HMOX1: variants seen among roughly 807,000 people sequenced by gnomAD.
HMOX1 encodes the protein heat shock protein, 32-kD.
HMOX1 carries 22 observed loss-of-function variants against 27.8 expected under a neutral mutation model. That is an observed-to-expected ratio of 0.79 (90% CI 0.57 to 1.13). The LOEUF (loss-of-function observed/expected upper bound fraction) is 1.13. Ranked by LOEUF, HMOX1 falls within the 50% of genes most tolerant of loss-of-function variation. The pLI is 0.00. For missense variants in HMOX1, 379 were observed against 377.7 expected (o/e 1.00, Z -0.03); for synonymous variants, 153 against 151.6 (o/e 1.01, Z -0.07).
At chr22:35,390,380 T>C (rs1390726989) in intron 4 of HMOX1, 3 of 288,640 alleles carry the variant, frequency 1.0e-5, no homozygotes, top group Non-Finnish European at 2.0e-5. Flanking sequence ...CCCACCACCA[T>C]GCCTGGCTAA....
At chr22:35,383,019 G>A (rs897328245) in intron 1 of HMOX1, 87 bp from the exon 2 acceptor site, 37 of 1,573,086 alleles carry the variant, frequency 2.4e-5, no homozygotes, top group Non-Finnish European at 3.0e-5. Flanking sequence ...GTCTCTTGAA[G>A]GCCTGCCCAC....
rs1931419587 is a variant in HMOX1, at chr22:35,383,086, C to T, written c.24-20C>T. ...CACCCCCAGCCAGCTTTGTGTTCACCTTTCCCATTTCCTCCTCAGCATGCC... is the reference window on the plus strand; with the variant it reads ...CACCCCCAGCCAGCTTTGTGTTCACTTTTCCCATTTCCTCCTCAGCATGCC... On this transcript the variant is annotated intron_variant, in intron 1 of 4. Transcript: ENST00000216117. 6.2e-7 allele frequency: 1 copy of T among 1,612,690 alleles called. No homozygotes were observed. The highest frequency in any genetic ancestry group is 8.5e-7 in the Non-Finnish European group (1 of 1,179,122).
chr22:35,381,245 C>T, intron 1 of HMOX1, 49 bp downstream of exon 1: 1 of 1,539,910 alleles, frequency 6.5e-7, no homozygotes, highest in Non-Finnish European at 8.7e-7. Flanking sequence ...TCTCCCAACC[C>T]TGCTTGCGTC....
chr22:35,381,194 C>G lies in HMOX1; in HGVS notation c.21C>G (p.Asp7Glu), dbSNP rs1483623337. ...GCCGGATGGAGCGTCCGCAACCCGA[C>G]AGGCAAGCGCGGGGCGCGGGACGCG... is the stretch of plus-strand genomic sequence containing the variant. MERPQP[D>E]SMPQDLSEAL... Residue 7 changes from aspartate (D) to glutamate (E), a missense_variant and splice_region_variant, in exon 1 of 5, where the codon GAC (aspartate) becomes GAG (glutamate). By Grantham distance (45) the Asp-to-Glu change is conservative. Coordinates refer to ENST00000216117, the MANE Select transcript of HMOX1 (RefSeq NM_002133.3). 1 of 1,547,516 alleles carries G rather than the reference C, an allele frequency of 6.5e-7. No individual in the cohort carries two copies. Among genetic ancestry groups the G allele is most frequent in the Admixed American group, 1.9e-5 (1 of 51,930 alleles).
At chr22:35,382,325 GTTTTTTGT>G (rs1014270120) in intron 1 of HMOX1, among the ~76,000 whole-genome samples, 3 of 150,622 alleles carry the variant, frequency 2.0e-5, no homozygotes, top group Middle Eastern at 3.2e-3. Context: ...TTTGTTTTTT[GTTTTTTGT>G]TTTTTTGTTT....
chr22:35,388,099 A>G (rs1931553100), intron 3 of HMOX1, among the ~76,000 whole-genome samples: 1 of 151,700 alleles, frequency 6.6e-6, no homozygotes, highest in South Asian at 2.1e-4. Flanking sequence ...CCCTGTCTCT[A>G]TCAAAAATAA....
At chr22:35,389,453 C>CTTTCTTTCTTTCTTTCTTTCT (rs769260270) in intron 3 of HMOX1, among the ~76,000 whole-genome samples, 2 of 123,220 alleles carry the variant, frequency 1.6e-5, no homozygotes, top group African/African-American at 3.4e-5. Context: ...TCTTTCTTTT[C>CTTTCTTTCTTTCTTTCTTTCT]TTTCTTTCTT....
At chr22:35,390,040 T>A (rs1204528002) in intron 4 of HMOX1, 77 bp downstream of exon 4, 1 of 969,172 alleles carries the variant, frequency 1.0e-6, no homozygotes, top group Non-Finnish European at 1.6e-6. Context: ...AGTATCTCTA[T>A]TCCTCTGTTT....
At chr22:35,385,214 T>C (rs9607267) in intron 2 of HMOX1, among the ~76,000 whole-genome samples, 42,279 of 151,892 alleles carry the variant, frequency 0.28, 6,360 homozygotes, top group East Asian at 0.46. Context: ...TGCCCTGTAG[T>C]TGGTTACGCA....
intron 4 of HMOX1, among the ~76,000 whole-genome samples, chr22:35,392,040 T>G (rs1931736944): frequency 6.6e-6 from 1 of 151,416 alleles, no homozygotes; most frequent in Admixed American, 6.6e-5. Flanking sequence ...ACCTGGCCAA[T>G]GTGGTGAGAC....
At position 35,389,872 on chromosome 22, in the gene HMOX1, G is replaced by A; in HGVS notation, c.645G>A (p.Glu215=). The A allele has an allele frequency of 6.2e-7, 1 of 1,607,808 alleles. No individual in the cohort carries two copies. Among genetic ancestry groups the A allele is most frequent in the Non-Finnish European group, 8.5e-7 (1 of 1,177,714 alleles). The change falls in exon 4 of 5, where the codon GAG becomes GAA. Residue 215 remains glutamate (E), a synonymous_variant. Coordinates refer to ENST00000216117, the MANE Select transcript of HMOX1 (RefSeq NM_002133.3). ...TAFLLNIQLF[E]ELQELLTHDT... is the part of the protein sequence containing the mutation. Reference sequence around the variant, plus strand: ...TGTCTTTTGTCTTTTAGCTCTTTGAGGAGTTGCAGGAGCTGCTGACCCATG... The same window carrying A: ...TGTCTTTTGTCTTTTAGCTCTTTGAAGAGTTGCAGGAGCTGCTGACCCATG...
intron 2 of HMOX1, 81 bp downstream of exon 2, chr22:35,383,307 T>C: frequency 1.3e-6 from 2 of 1,521,710 alleles, no homozygotes; most frequent in Non-Finnish European, 9.0e-7. Flanking sequence ...GTGGTTTAAG[T>C]GGGGATGCTG....
At position 35,389,982 on chromosome 22, in the gene HMOX1, G is replaced by T; in HGVS notation, c.736+19G>T. ...GTGCAAGGTGAGAGCATCCAGGAAG[G>T]GGCACTTCCTCTGGGCTACACATGG... On this transcript the variant is annotated intron_variant, in intron 4 of 4. Coordinates refer to ENST00000216117, the MANE Select transcript of HMOX1 (RefSeq NM_002133.3). The T allele has an allele frequency of 1.3e-6, 2 of 1,540,916 alleles. No homozygotes were observed. The highest frequency in any genetic ancestry group is 1.8e-6 in the Non-Finnish European group (2 of 1,119,078).
At chr22:35,381,312 G>A (rs1931384588) in intron 1 of HMOX1, 116 bp downstream of exon 1, 9 of 1,254,146 alleles carry the variant, frequency 7.2e-6, no homozygotes, top group African/African-American at 1.5e-5. Flanking sequence ...CCAGAAACTT[G>A]GGCTCTGGAG....
chr22:35,386,928 G>C lies in HMOX1; in HGVS notation c.388G>C (p.Val130Leu). The C allele has an allele frequency of 1.2e-6, 2 of 1,614,068 alleles. No individual in the cohort carries two copies. The highest frequency in any genetic ancestry group is 2.2e-5 in the South Asian group (2 of 91,088). The stretch of plus-strand genomic sequence containing the variant: ...GGGGCGCACAGAGCCCGAGCTGCTG[G>C]TGGCCCACGCCTACACCCGCTACCT... ...EVGRTEPELL[V>L]AHAYTRYLGD... The change falls in exon 3 of 5, where the codon GTG (valine) becomes CTG (leucine). Residue 130 changes from valine (V) to leucine (L), a missense_variant. By Grantham distance (32) the Val-to-Leu change is conservative (BLOSUM62 1). Transcript: ENST00000216117.
intron 2 of HMOX1, among the ~76,000 whole-genome samples, chr22:35,385,005 C>G (rs1374129544): frequency 6.6e-6 from 1 of 152,008 alleles, no homozygotes; most frequent in Admixed American, 6.6e-5. Context: ...AATAGAGCTG[C>G]TTTGAATGTT....
Position 35,389,395 on chromosome 22 carries a change from C to CCTTTCTTTCTTTCTTT in HMOX1, c.637-450_637-435dup, listed in dbSNP as rs372672366. On this transcript the variant is annotated intron_variant, in intron 3 of 4. Transcript: ENST00000216117. Reference sequence around the variant, plus strand: ...TCCTTCCTTCCTTCCTTCCTTCCTTCCTTTCTTTCTTTCTTTCTTTCTTTC... The same window carrying CCTTTCTTTCTTTCTTT: ...TCCTTCCTTCCTTCCTTCCTTCCTTCCTTTCTTTCTTTCTTTCTTTCTTTCTTTCTTTCTTTCTTTC... 3.3e-3 allele frequency among the ~76,000 whole-genome samples: 172 copies of CCTTTCTTTCTTTCTTT among 51,786 alleles called. 3 individuals are homozygous for CCTTTCTTTCTTTCTTT. The highest frequency in any genetic ancestry group is 8.9e-3 in the Middle Eastern group (1 of 112). The allele number at this position is 51,786 out of a possible 152,430, so 34.0% of individuals were successfully genotyped here. A position where few individuals can be genotyped will look rare whatever the true frequency, so the allele number is the denominator to read the frequency against.
intron 3 of HMOX1, among the ~76,000 whole-genome samples, chr22:35,388,398 G>A (rs1931560057): frequency 6.6e-6 from 1 of 151,936 alleles, no homozygotes; most frequent in African/African-American, 2.4e-5. Flanking sequence ...GCTGCAGTAA[G>A]CCATGATTAT....
chr22:35,391,326 C>A (rs1207596557), intron 4 of HMOX1, among the ~76,000 whole-genome samples: 1 of 151,332 alleles, frequency 6.6e-6, no homozygotes. Context: ...GTCTTGCTGT[C>A]ACCCAGGCTG....
Sources: allele counts gnomAD v4.1 joint callset (sites outside exome capture counted in the v4.1 genomes callset), GRCh38; gene constraint gnomAD v4.1.1; transcripts MANE v1.5; gene names NCBI Gene and HGNC (gene_info 2026-07-23, HGNC 2026-07-21).